The following LNPK variants were observed in gnomAD, a reference collection of about 807,000 sequenced individuals.
LNPK encodes endoplasmic reticulum junction formation protein lunapark.
LNPK carries 29 observed loss-of-function variants against 55.2 expected under a neutral mutation model. That is an observed-to-expected ratio of 0.53 (90% CI 0.39 to 0.72). The LOEUF is 0.72. Ranked by LOEUF, LNPK falls within the 30% of genes least tolerant of loss-of-function variation. The pLI is 0.00. For missense variants in LNPK, 467 were observed against 494.8 expected (o/e 0.94, Z 0.53); for synonymous variants, 162 against 168.2 (o/e 0.96, Z 0.29).
chr2:175,971,096 T>C (rs1031379157), intron 5 of LNPK, among the ~76,000 whole-genome samples: 22 of 152,104 alleles, frequency 1.4e-4, no homozygotes, highest in African/African-American at 5.3e-4. Context: ...GAAACATTAC[T>C]TTCTACTATT....
At chr2:175,956,353 T>C (rs999265149) in intron 8 of LNPK, among the ~76,000 whole-genome samples, 1 of 151,942 alleles carries the variant, frequency 6.6e-6, no homozygotes, top group Non-Finnish European at 1.5e-5. Context: ...TTTCAATCAT[T>C]TACTCCTATG....
chr2:175,996,013 A>G (rs1308200204), intron 1 of LNPK, among the ~76,000 whole-genome samples: 1 of 151,748 alleles, frequency 6.6e-6, no homozygotes, highest in Admixed American at 6.6e-5. Flanking sequence ...GGGTTTTGCT[A>G]TGTTGGCCAG....
intron 6 of LNPK, among the ~76,000 whole-genome samples, chr2:175,968,027 T>G (rs538500718): frequency 1.3e-5 from 2 of 152,308 alleles, no homozygotes; most frequent in East Asian, 3.9e-4. Context: ...AGTAGGTATA[T>G]AAACATTTTT....
In LNPK at chr2:175,945,195, G is replaced by A. The variant is rs1337052113; in HGVS notation, c.706+2285C>T. The stretch of plus-strand genomic sequence containing the variant: ...ATTACAGGCGTGAGCCACCGTGCCC[G>A]GCTCTCAAATACACTTTTAAGTTTC... On this transcript the variant is annotated intron_variant, in intron 9 of 12. Coordinates refer to ENST00000272748, the MANE Select transcript of LNPK (RefSeq NM_030650.3). Among the ~76,000 whole-genome samples the A allele has an allele frequency of 7.0e-5, 10 of 143,400 alleles. 1 individual carries two copies. The highest frequency in any genetic ancestry group is 4.2e-4 in the Admixed American group (6 of 14,340). The allele number at this position is 143,400 out of a possible 152,430, so 94.1% of individuals were successfully genotyped here.
At chr2:175,996,651 T>C (rs968059985) in intron 1 of LNPK, among the ~76,000 whole-genome samples, 6 of 152,186 alleles carry the variant, frequency 3.9e-5, no homozygotes, top group Admixed American at 1.3e-4. Context: ...TATCTTCAGA[T>C]TTCTAGCCTC....
chr2:176,001,761 T>C (rs1688168217), intron 1 of LNPK, among the ~76,000 whole-genome samples: 1 of 152,146 alleles, frequency 6.6e-6, no homozygotes, highest in African/African-American at 2.4e-5. Context: ...TAGGAAATGC[T>C]AGTTTGGGAC....
At chr2:175,994,211 G>T in intron 2 of LNPK, 3 of 979,354 alleles carry the variant, frequency 3.1e-6, no homozygotes, top group South Asian at 4.7e-5. Context: ...TAACATTAGG[G>T]TTAACCATAT....
chr2:175,992,159 T>C (rs573359974), intron 4 of LNPK, 72 bp downstream of exon 4: 2 of 930,836 alleles, frequency 2.1e-6, no homozygotes, highest in Non-Finnish European at 3.2e-6. Context: ...AGACCGAATA[T>C]ACATATTAGA....
chr2:175,983,597 C>T (rs1687277666), intron 4 of LNPK, among the ~76,000 whole-genome samples: 1 of 151,988 alleles, frequency 6.6e-6, no homozygotes, highest in Non-Finnish European at 1.5e-5. Flanking sequence ...AAGAAAAAGA[C>T]CTTCACACTG....
intron 8 of LNPK, among the ~76,000 whole-genome samples, chr2:175,959,935 T>C (rs1449937541): frequency 6.6e-6 from 1 of 151,572 alleles, no homozygotes; most frequent in African/African-American, 2.4e-5. Context: ...AAACAGACTT[T>C]AAACCAACAA....
Position 175,993,718 on chromosome 2 carries a change from G to A in LNPK, c.28-495C>T, listed in dbSNP as rs139940685. 8.9e-4 allele frequency among the ~76,000 whole-genome samples: 135 copies of A among 151,998 alleles called. 4 individuals carry two copies. The East Asian group carries it at 0.021, about 24-fold the overall frequency. On this transcript the variant is annotated intron_variant, in intron 2 of 12. Coordinates refer to ENST00000272748, the MANE Select transcript of LNPK (RefSeq NM_030650.3). Reference sequence around the variant, plus strand: ...TGAGGCACGAGAATTGATTGAACCCGGGAGCCAGAGGTTGCAGTGAGCCGA... The same window carrying A: ...TGAGGCACGAGAATTGATTGAACCCAGGAGCCAGAGGTTGCAGTGAGCCGA...
At chr2:175,970,882 A>G in intron 5 of LNPK, 78 bp from the exon 6 acceptor site, 1 of 1,198,618 alleles carries the variant, frequency 8.3e-7, no homozygotes, top group Non-Finnish European at 1.1e-6. Context: ...CACGGTAGCA[A>G]ACACAAGAAA....
At chr2:175,960,238 C>T (rs569864070) in intron 8 of LNPK, among the ~76,000 whole-genome samples, 2 of 152,294 alleles carry the variant, frequency 1.3e-5, no homozygotes, top group East Asian at 3.9e-4. Flanking sequence ...CTCTCCACCC[C>T]AAATCAACAG....
At chr2:176,001,645 C>T (rs1688164003) in intron 1 of LNPK, among the ~76,000 whole-genome samples, 1 of 152,146 alleles carries the variant, frequency 6.6e-6, no homozygotes, top group African/African-American at 2.4e-5. Context: ...AGCCCGGCAG[C>T]ATGACACTGA....
intron 5 of LNPK, among the ~76,000 whole-genome samples, chr2:175,971,355 G>A (rs1045634206): frequency 7.2e-5 from 11 of 152,056 alleles, no homozygotes; most frequent in East Asian, 3.9e-4. Flanking sequence ...AGATTTGCCC[G>A]CTTATATAGG....
chr2:175,956,495 T>C (rs1685702052), intron 8 of LNPK, among the ~76,000 whole-genome samples: 2 of 152,246 alleles, frequency 1.3e-5, no homozygotes, highest in South Asian at 4.1e-4. Flanking sequence ...CATTAATTAT[T>C]AATAGGTCAG....
intron 6 of LNPK, among the ~76,000 whole-genome samples, chr2:175,970,010 G>A (rs889741344): frequency 6.6e-6 from 1 of 151,838 alleles, no homozygotes; most frequent in Non-Finnish European, 1.5e-5. Flanking sequence ...AAAATATATT[G>A]AATTGATCAT....
chr2:175,969,609 G>C (rs1686557815), intron 6 of LNPK, among the ~76,000 whole-genome samples: 2 of 152,128 alleles, frequency 1.3e-5, no homozygotes, highest in Admixed American at 1.3e-4. Context: ...CTGATCACCA[G>C]TACCAGCTCT....
chr2:175,979,579 A>G (rs1687075255), intron 5 of LNPK, among the ~76,000 whole-genome samples: 2 of 152,022 alleles, frequency 1.3e-5, no homozygotes, highest in Non-Finnish European at 2.9e-5. Context: ...CAAAAAAAAA[A>G]AAAAAGTTTG....
Sources: gnomAD v4.1 joint callset for allele counts (sites outside exome capture counted in the v4.1 genomes callset) on GRCh38, gnomAD v4.1.1 for gene constraint, MANE v1.5 for transcripts, NCBI Gene and HGNC (gene_info 2026-07-23, HGNC 2026-07-21) for gene names.